The following PRKACB variants were observed in gnomAD, a reference collection of about 807,000 sequenced individuals.
The protein encoded by PRKACB is cAMP-dependent protein kinase catalytic subunit beta.
A neutral mutation model predicts 51.4 loss-of-function variants in PRKACB; 16 were observed. That is an observed-to-expected ratio of 0.31 (90% CI 0.21 to 0.47). The LOEUF is 0.47. PRKACB is among the 20% of genes least tolerant of loss of function. PRKACB has a pLI of 1.00. For missense variants in PRKACB, 309 were observed against 464.5 expected (o/e 0.67, Z 3.08); for synonymous variants, 147 against 154.4 (o/e 0.95, Z 0.35).
intron 2 of PRKACB, chr1:84,181,831 G>C (rs1663607870): frequency 1.3e-6 from 1 of 746,266 alleles, no homozygotes; most frequent in Non-Finnish European, 1.9e-6. Context: ...TTGTCAGTAT[G>C]CCTCTGGTCA....
Position 84,102,952 on chromosome 1 carries a change from C to T in PRKACB, c.46+24581C>T, listed in dbSNP as rs11590713. Among the ~76,000 whole-genome samples, 404 of 152,220 alleles carry T rather than the reference C, an allele frequency of 2.7e-3. 1 individual carries two copies. The highest frequency in any genetic ancestry group is 4.7e-3 in the Non-Finnish European group (322 of 67,998). ...ATTGCAATTTCTATTCCTATCTCAC[C>T]ATCGTGTATTGGGCAGATAACTTGT... is the stretch of plus-strand genomic sequence containing the variant. On this transcript the variant is annotated intron_variant, in intron 1 of 8. Coordinates refer to the PRKACB transcript ENST00000370688.
chr1:84,139,443 T>C (rs1478481534), upstream of PRKACB, among the ~76,000 whole-genome samples: 1 of 152,182 alleles, frequency 6.6e-6, no homozygotes, highest in Non-Finnish European at 1.5e-5. Context: ...TGTGTACCCA[T>C]CTAATAAAAC....
At chr1:84,094,264 T>C (rs971065770) in intron 1 of PRKACB, among the ~76,000 whole-genome samples, 8 of 152,000 alleles carry the variant, frequency 5.3e-5, no homozygotes, top group Non-Finnish European at 7.4e-5. Flanking sequence ...CTATTCCTGG[T>C]TTGCTAATTA....
chr1:84,150,434 T>TATA (rs1654709151), intron 1 of PRKACB, among the ~76,000 whole-genome samples: 1 of 152,152 alleles, frequency 6.6e-6, no homozygotes, highest in African/African-American at 2.4e-5. Flanking sequence ...GAACATTATA[T>TATA]GTTTGTCCCC....
intron 1 of PRKACB, among the ~76,000 whole-genome samples, chr1:84,173,029 T>G (rs1400175282): frequency 6.6e-6 from 1 of 151,718 alleles, no homozygotes; most frequent in Non-Finnish European, 1.5e-5. Context: ...TCAGTATGTT[T>G]AATATGATGA....
At chr1:84,131,922 C>T (rs1652257332) in intron 1 of PRKACB, among the ~76,000 whole-genome samples, 1 of 152,166 alleles carries the variant, frequency 6.6e-6, no homozygotes, top group South Asian at 2.1e-4. Context: ...AAAAGGTCCC[C>T]TCGTAGTTCT....
chr1:84,202,626 T>A, intron 7 of PRKACB, 57 bp from the exon 8 acceptor site: 1 of 1,505,296 alleles, frequency 6.6e-7, no homozygotes, highest in Non-Finnish European at 9.0e-7. Flanking sequence ...TATCTTTGAC[T>A]TCATTCTCTT....
intron 5 of PRKACB, among the ~76,000 whole-genome samples, chr1:84,195,126 A>G (rs1667853825): frequency 6.6e-6 from 1 of 152,218 alleles, no homozygotes; most frequent in African/African-American, 2.4e-5. Flanking sequence ...TTCCCAGTTT[A>G]AGCATAAATG....
intron 1 of PRKACB, among the ~76,000 whole-genome samples, chr1:84,109,478 T>A (rs1288707383): frequency 6.6e-6 from 1 of 151,940 alleles, no homozygotes; most frequent in African/African-American, 2.4e-5. Flanking sequence ...ATATGTACTG[T>A]CTTTTATAGA....
At chr1:84,093,003 A>G (rs753550113) in intron 1 of PRKACB, among the ~76,000 whole-genome samples, 2 of 151,694 alleles carry the variant, frequency 1.3e-5, no homozygotes, top group Non-Finnish European at 1.5e-5. Flanking sequence ...CCCCAGACGT[A>G]TGTACTACAA....
intron 1 of PRKACB, among the ~76,000 whole-genome samples, chr1:84,124,443 C>G (rs562355219): frequency 2.0e-5 from 3 of 152,276 alleles, no homozygotes; most frequent in East Asian, 3.9e-4. Flanking sequence ...CACACATTAT[C>G]TGAAGAGTGA....
chr1:84,093,277 C>G (rs1304667183), intron 1 of PRKACB, among the ~76,000 whole-genome samples: 1 of 151,474 alleles, frequency 6.6e-6, no homozygotes, highest in Non-Finnish European at 1.5e-5. Context: ...GCATCTCTCT[C>G]TCTCTCTCTC....
chr1:84,184,395 A>G (rs751491316), intron 4 of PRKACB, among the ~76,000 whole-genome samples: 2 of 152,030 alleles, frequency 1.3e-5, no homozygotes, highest in East Asian at 1.9e-4. Context: ...CAATTTATCA[A>G]AAACCATAGG....
Position 84,227,891 on chromosome 1 carries a change from C to A in PRKACB, c.1072-7289C>A, listed in dbSNP as rs527604890. On this transcript the variant is annotated intron_variant, in intron 9 of 9. Coordinates refer to ENST00000370685, the MANE Select transcript of PRKACB (RefSeq NM_182948.4). The stretch of plus-strand genomic sequence containing the variant: ...AATAGTTTTAATTGTCTTCTTTATT[C>A]TCTGATGCATCTCCAAATGATCAAG... Among the ~76,000 whole-genome samples, 36 of 152,224 alleles carry A rather than the reference C, an allele frequency of 2.4e-4. No individual in the cohort carries two copies. In the South Asian group the frequency reaches 6.8e-3, roughly 29 times the overall value.
At chr1:84,168,665 C>T (rs1406525316) in intron 1 of PRKACB, among the ~76,000 whole-genome samples, 15 of 151,572 alleles carry the variant, frequency 9.9e-5, no homozygotes, top group South Asian at 2.1e-4. Context: ...GATGATCAGA[C>T]TCCAAAGTCT....
At chr1:84,078,107 C>T (rs1488141605), upstream of PRKACB, 27 of 451,420 alleles carry the variant, frequency 6.0e-5, no homozygotes, top group Non-Finnish European at 9.3e-5. Flanking sequence ...GTCGCCGCCG[C>T]CGCCGCCGCC....
chr1:84,226,247 G>T, intron 9 of PRKACB, among the ~76,000 whole-genome samples: 1 of 144,842 alleles, frequency 6.9e-6, no homozygotes. Context: ...TTTTTGATTA[G>T]ACTTGCCAAT....
intron 1 of PRKACB, among the ~76,000 whole-genome samples, chr1:84,171,830 G>T (rs978193850): frequency 6.6e-6 from 1 of 151,342 alleles, no homozygotes; most frequent in Admixed American, 6.6e-5. Context: ...AAGATTGCCA[G>T]ATATTAAAAA....
At chr1:84,199,048 C>CAT (rs149104274) in intron 7 of PRKACB, among the ~76,000 whole-genome samples, 17 of 131,834 alleles carry the variant, frequency 1.3e-4, no homozygotes, top group African/African-American at 3.4e-4. Flanking sequence ...CATATGTATG[C>CAT]ATATATATAT....
Sources: gnomAD v4.1 joint callset for allele counts (sites outside exome capture counted in the v4.1 genomes callset) on GRCh38, gnomAD v4.1.1 for gene constraint, MANE v1.5 for transcripts, NCBI Gene and HGNC (gene_info 2026-07-23, HGNC 2026-07-21) for gene names.